The following HEG1 variants were observed in gnomAD, a reference collection of about 807,000 sequenced individuals.
HEG1 encodes protein HEG homolog 1.
HEG1 carries 56 observed loss-of-function variants against 125.6 expected under a neutral mutation model. That is an observed-to-expected ratio of 0.45 (90% CI 0.36 to 0.56). The LOEUF (loss-of-function observed/expected upper bound fraction) is 0.56, where lower values mean the gene tolerates loss of function less well. HEG1 is among the 20% of genes least tolerant of loss of function. HEG1 has a pLI of 0.00. For missense variants in HEG1, 1,523 were observed against 1,670.0 expected (o/e 0.91, Z 1.53); for synonymous variants, 644 against 668.5 (o/e 0.96, Z 0.57).
At chr3:124,990,641 T>G (rs867122430) in intron 14 of HEG1, 146 bp downstream of exon 14, 1 of 780,048 alleles carries the variant, frequency 1.3e-6, no homozygotes. Flanking sequence ...GTCTGGCCTT[T>G]CTCTTTGTTT....
intron 10 of HEG1, 111 bp downstream of exon 10, chr3:125,002,146 A>G: frequency 6.7e-7 from 1 of 1,492,806 alleles, no homozygotes; most frequent in Non-Finnish European, 9.3e-7. Flanking sequence ...TTGGCCCTGG[A>G]TTGCCCCATG....
Position 125,029,218 on chromosome 3 carries a change from A to T in HEG1, c.587T>A (p.Leu196Gln), listed in dbSNP as rs771375889. 6.2e-7 allele frequency: 1 copy of T among 1,612,890 alleles called. No homozygotes were observed. The highest frequency in any genetic ancestry group is 1.7e-5 in the Admixed American group (1 of 59,878). ...VGYSLEIATA[L>Q]TSQSGNLASE... ...ACCTAAGTTGCCACTCTGGGAAGTC[A>T]GAGCTGTTGCTATCTCCAGTGAGTA... The change falls in exon 2 of 17, where the codon CTG becomes CAG. Residue 196 changes from leucine to glutamine, a missense_variant. Physicochemically the swap from Leu to Gln is moderately radical, Grantham distance 113 (BLOSUM62 -2). Coordinates refer to ENST00000311127, the MANE Select transcript of HEG1 (RefSeq NM_020733.2).
At chr3:125,048,567 T>A (rs1429063955) in intron 1 of HEG1, among the ~76,000 whole-genome samples, 1 of 152,212 alleles carries the variant, frequency 6.6e-6, no homozygotes, top group Non-Finnish European at 1.5e-5. Flanking sequence ...AACAACTGTC[T>A]GGTGTAAGTG....
chr3:125,035,260 A>G (rs1417928515), intron 1 of HEG1, among the ~76,000 whole-genome samples: 1 of 134,468 alleles, frequency 7.4e-6, no homozygotes, highest in Non-Finnish European at 1.7e-5. Flanking sequence ...TAATATTTTA[A>G]AAGGTAATGG....
At chr3:125,026,086 T>C (rs1367591283) in intron 3 of HEG1, among the ~76,000 whole-genome samples, 2 of 152,156 alleles carry the variant, frequency 1.3e-5, no homozygotes, top group African/African-American at 4.8e-5. Flanking sequence ...CAAGAACATT[T>C]CCAACCCTCT....
In HEG1 at chr3:124,966,946, T is replaced by A. The variant is rs892470589; in HGVS notation, c.*3706A>T. On this transcript the variant is annotated 3_prime_UTR_variant, in exon 17 of 17. Transcript: ENST00000311127. ...CATCCTTCAATGGCATATTCTTGGG[T>A]AGCCATCCAGCCTAGGAGTCCAAAG... 3 of 152,250 alleles carry A rather than the reference T, an allele frequency of 2.0e-5. No individual in the cohort carries two copies. Among genetic ancestry groups the A allele is most frequent in the African/African-American group, 7.2e-5 (3 of 41,460 alleles). The allele number at this position is 152,250 out of a possible 1,614,324, so 9.4% of individuals were successfully genotyped here.
chr3:124,983,101 T>C (rs1181911399), intron 14 of HEG1, among the ~76,000 whole-genome samples: 1 of 152,176 alleles, frequency 6.6e-6, no homozygotes, highest in Non-Finnish European at 1.5e-5. Context: ...CTCCACTTCC[T>C]TGGTTCCTTC....
At chr3:125,014,909 A>G (rs1361768888) in intron 5 of HEG1, 4 of 1,289,736 alleles carry the variant, frequency 3.1e-6, no homozygotes, top group African/African-American at 1.5e-5. Context: ...CAGTGACAGT[A>G]GCCAAGGTGT....
intron 14 of HEG1, among the ~76,000 whole-genome samples, chr3:124,978,794 C>A (rs1306366321): frequency 1.1e-5 from 1 of 94,436 alleles, no homozygotes; most frequent in African/African-American, 4.1e-5. Flanking sequence ...CAGTGAGACT[C>A]TGTCTCAAAA....
chr3:125,048,946 T>C (rs1247375303), intron 1 of HEG1, among the ~76,000 whole-genome samples: 2 of 152,148 alleles, frequency 1.3e-5, no homozygotes, highest in African/African-American at 2.4e-5. Flanking sequence ...ACTAGGTGCA[T>C]GTTGTTGCTA....
At chr3:124,987,952 C>CACACACACACACACACACACATATAT in intron 14 of HEG1, among the ~76,000 whole-genome samples, 25 of 54,692 alleles carry the variant, frequency 4.6e-4, no homozygotes, top group South Asian at 3.9e-3. Context: ...CACACACACA[C>CACACACACACACACACACACATATAT]ATATATATAT....
chr3:124,983,899 A>G (rs560069668), intron 14 of HEG1, among the ~76,000 whole-genome samples: 3 of 152,138 alleles, frequency 2.0e-5, no homozygotes, highest in East Asian at 1.9e-4. Context: ...CCTCTCCCCA[A>G]TCCCTGCCTT....
intron 1 of HEG1, among the ~76,000 whole-genome samples, chr3:125,036,323 A>AT (rs979286326): frequency 2.8e-4 from 43 of 152,026 alleles, no homozygotes; most frequent in African/African-American, 1.0e-3. Flanking sequence ...TAAAACCAAA[A>AT]TTAAAAAAAA....
In HEG1 at chr3:124,966,469, G is replaced by T. The variant is rs1477363443; in HGVS notation, c.*4183C>A. 1 of 152,060 alleles carries T rather than the reference G, an allele frequency of 6.6e-6. No homozygotes were observed. The highest frequency in any genetic ancestry group is 1.5e-5 in the Non-Finnish European group (1 of 68,006). The allele number at this position is 152,060 out of a possible 1,614,324, so 9.4% of individuals were successfully genotyped here. ...AAGAAAAAAAGAAAACATACCCAAA[G>T]GCAAACTCTACAAAACCAGTATCTC... is the stretch of plus-strand genomic sequence containing the variant. On this transcript the variant is annotated 3_prime_UTR_variant, in exon 17 of 17. Transcript: ENST00000311127.
intron 6 of HEG1, among the ~76,000 whole-genome samples, chr3:125,011,715 G>A (rs139594511): frequency 6.6e-6 from 1 of 152,138 alleles, no homozygotes; most frequent in Non-Finnish European, 1.5e-5. Context: ...TGCTCCCTGA[G>A]CTTTCTGCTC....
At chr3:124,983,504 T>TC in intron 14 of HEG1, among the ~76,000 whole-genome samples, 1 of 150,810 alleles carries the variant, frequency 6.6e-6, no homozygotes, top group South Asian at 2.1e-4. Context: ...CTGGCTGATT[T>TC]TTTTTTTTTT....
intron 1 of HEG1, among the ~76,000 whole-genome samples, chr3:125,042,525 A>G (rs1937601819): frequency 6.6e-6 from 1 of 152,246 alleles, no homozygotes; most frequent in East Asian, 1.9e-4. Context: ...TATAGAATCT[A>G]CCTCAAGGAG....
intron 5 of HEG1, among the ~76,000 whole-genome samples, chr3:125,018,117 G>A (rs1009985165): frequency 6.6e-6 from 1 of 152,022 alleles, no homozygotes; most frequent in Admixed American, 6.6e-5. Flanking sequence ...TAGCCAAAAG[G>A]TGGGAACAAC....
chr3:125,030,280 A>C (rs1937479631), intron 1 of HEG1, among the ~76,000 whole-genome samples: 1 of 151,974 alleles, frequency 6.6e-6, no homozygotes, highest in Non-Finnish European at 1.5e-5. Flanking sequence ...AAACATGAAG[A>C]CTCTGGCAAT....
Sources: gnomAD v4.1 joint callset for allele counts (sites outside exome capture counted in the v4.1 genomes callset) on GRCh38, gnomAD v4.1.1 for gene constraint, MANE v1.5 for transcripts, NCBI Gene and HGNC (gene_info 2026-07-23, HGNC 2026-07-21) for gene names.